Variants in SGIP1 observed in about 807,000 individuals in gnomAD.
SGIP1 encodes the protein SH3GL interacting endocytic adaptor 1.
SGIP1 carries 38 observed loss-of-function variants against 107.5 expected under a neutral mutation model. The ratio of observed to expected loss-of-function variants is 0.35; its 90% CI spans 0.27 to 0.46. The LOEUF (loss-of-function observed/expected upper bound fraction) is 0.46. Ranked by LOEUF, SGIP1 falls within the 20% of genes least tolerant of loss-of-function variation. The probability of loss-of-function intolerance (pLI) is 1.00; values close to 1 mark genes in which losing one functional copy is unlikely to be tolerated. For missense variants in SGIP1, 929 were observed against 1,019.5 expected (o/e 0.91, Z 1.21); for synonymous variants, 365 against 366.1 (o/e 1.00, Z 0.03).
chr1:66,599,963 T>C (rs2065453734), intron 1 of SGIP1, among the ~76,000 whole-genome samples: 1 of 152,198 alleles, frequency 6.6e-6, no homozygotes, highest in Non-Finnish European at 1.5e-5. Flanking sequence ...ATACCATCTT[T>C]GTAACCCAGA....
intron 18 of SGIP1, among the ~76,000 whole-genome samples, chr1:66,712,900 C>T (rs1349829676): frequency 2.0e-5 from 3 of 152,136 alleles, no homozygotes; most frequent in Admixed American, 2.0e-4. Flanking sequence ...TCCTCAGAAC[C>T]CCCTCAAAGT....
rs981153897 is a variant in SGIP1 at position 66,742,983 on chromosome 1, G to A, written c.2465-90G>A. The A allele has an allele frequency of 1.1e-4, 141 of 1,315,966 alleles. 2 individuals carry two copies. In the South Asian group the frequency reaches 1.7e-3, roughly 16 times the overall value. 81.5% of individuals were successfully genotyped at this position (1,315,966 alleles called of 1,614,324 possible). A position where few individuals can be genotyped will look rare whatever the true frequency, so the allele number is the denominator to read the frequency against. ...AGTATGCAGTATCTGGCTCCTAGGG[G>A]TAGGGAAGGAGGAATAGAAAAGTTA... On this transcript the variant is annotated intron_variant, in intron 24 of 24. Coordinates refer to ENST00000371037, the MANE Select transcript of SGIP1 (RefSeq NM_032291.4).
At chr1:66,652,085 G>A (rs1045619642) in intron 7 of SGIP1, among the ~76,000 whole-genome samples, 8 of 152,120 alleles carry the variant, frequency 5.3e-5, no homozygotes, top group Non-Finnish European at 1.2e-4. Context: ...TAAATAGAAT[G>A]AACACAGGCT....
chr1:66,747,771 A>AGT lies in SGIP1; in HGVS notation c.*4685_*4686dup, dbSNP rs1191560629. 2.6e-5 allele frequency: 4 copies of AGT among 151,880 alleles called. No individual in the cohort carries two copies. The highest frequency in any genetic ancestry group is 4.8e-5 in the African/African-American group (2 of 41,408). The allele number at this position is 151,880 out of a possible 1,614,324, so 9.4% of individuals were successfully genotyped here. On this transcript the variant is annotated 3_prime_UTR_variant, in exon 25 of 25. Transcript: ENST00000371037. Reference sequence around the variant, plus strand: ...TATGCAGATACATACTAAACAGATGAGTGTGTGTGTATGTGTCTGTGTTTA... The same window carrying AGT: ...TATGCAGATACATACTAAACAGATGAGTGTGTGTGTGTATGTGTCTGTGTTTA...
intron 1 of SGIP1, among the ~76,000 whole-genome samples, chr1:66,573,618 T>G (rs1225253149): frequency 1.3e-5 from 2 of 152,120 alleles, no homozygotes; most frequent in Non-Finnish European, 2.9e-5. Context: ...GGAACCTGAA[T>G]GGAGCTGAAG....
intron 15 of SGIP1, among the ~76,000 whole-genome samples, chr1:66,684,891 T>C (rs916163820): frequency 2.6e-5 from 4 of 152,260 alleles, no homozygotes; most frequent in Admixed American, 6.5e-5. Flanking sequence ...TGATTCTTCA[T>C]AATTAAGCTG....
At chr1:66,544,827 T>A (rs12144047) in intron 1 of SGIP1, among the ~76,000 whole-genome samples, 1 of 152,010 alleles carries the variant, frequency 6.6e-6, no homozygotes, top group Non-Finnish European at 1.5e-5. Context: ...AACAATGGCC[T>A]GAAATGGTCT....
At chr1:66,585,435 A>C (rs2062453534) in intron 1 of SGIP1, among the ~76,000 whole-genome samples, 2 of 152,108 alleles carry the variant, frequency 1.3e-5, no homozygotes, top group South Asian at 4.1e-4. Flanking sequence ...TTCTGCATGG[A>C]ATAGGTCTAG....
Position 66,743,214 on chromosome 1 carries a change from G to T in SGIP1, c.*119G>T, listed in dbSNP as rs112712694. 8.0e-6 allele frequency: 8 copies of T among 1,002,758 alleles called. No homozygotes were observed. The African/African-American group carries it at 8.0e-5, about 10-fold the overall frequency. 62.1% of individuals were successfully genotyped at this position (1,002,758 alleles called of 1,614,324 possible). On this transcript the variant is annotated 3_prime_UTR_variant, in exon 25 of 25. Transcript: ENST00000371037. ...TATCTGCACTTGGGATATATCAGGT[G>T]GAAAGTCAATGACTTTCATCTGTGA...
chr1:66,621,850 T>A (rs1466189718), intron 1 of SGIP1, among the ~76,000 whole-genome samples: 1 of 152,226 alleles, frequency 6.6e-6, no homozygotes, highest in East Asian at 1.9e-4. Flanking sequence ...ATTTATCTGT[T>A]GATGGAGAGC....
At chr1:66,597,263 A>C (rs778402533) in intron 1 of SGIP1, among the ~76,000 whole-genome samples, 4 of 152,178 alleles carry the variant, frequency 2.6e-5, no homozygotes, top group Non-Finnish European at 4.4e-5. Flanking sequence ...CTTTGTGTTC[A>C]TGAGTTCTCT....
chr1:66,549,954 C>G (rs906231094), intron 1 of SGIP1, among the ~76,000 whole-genome samples: 1 of 152,096 alleles, frequency 6.6e-6, no homozygotes, highest in Non-Finnish European at 1.5e-5. Flanking sequence ...CTCTGTTGTT[C>G]CAGAAGGAAG....
chr1:66,629,628 G>A (rs1452419198), intron 2 of SGIP1, among the ~76,000 whole-genome samples: 1 of 151,876 alleles, frequency 6.6e-6, no homozygotes, highest in Non-Finnish European at 1.5e-5. Context: ...AAATATAGAT[G>A]CCAAAAGTCC....
At chr1:66,585,790 A>G (rs2062523150) in intron 1 of SGIP1, among the ~76,000 whole-genome samples, 1 of 152,024 alleles carries the variant, frequency 6.6e-6, no homozygotes, top group Admixed American at 6.6e-5. Context: ...GTGCCAGGCC[A>G]AGAGCTTTGG....
intron 1 of SGIP1, among the ~76,000 whole-genome samples, chr1:66,537,286 G>T (rs980273301): frequency 2.0e-5 from 3 of 152,120 alleles, no homozygotes; most frequent in African/African-American, 7.2e-5. Flanking sequence ...ATGATCTGGA[G>T]CCTTCTGTAG....
At chr1:66,676,134 T>A (rs941905151) in intron 12 of SGIP1, among the ~76,000 whole-genome samples, 8 of 152,166 alleles carry the variant, frequency 5.3e-5, no homozygotes, top group Non-Finnish European at 1.2e-4. Flanking sequence ...CTCTCTAAGG[T>A]TGCTTTTATT....
rs925259849 is a variant in SGIP1, at chr1:66,639,851, G to C, written c.228+18G>C. On this transcript the variant is annotated intron_variant, in intron 5 of 24. Coordinates refer to ENST00000371037, the MANE Select transcript of SGIP1 (RefSeq NM_032291.4). The stretch of plus-strand genomic sequence containing the variant: ...AAAGATATGTGAGTATCAGAAGAGT[G>C]TTTCTCTTTATTAAGTATTTTACAG... 17 of 1,599,390 alleles carry C rather than the reference G, an allele frequency of 1.1e-5. No individual in the cohort carries two copies. The African/African-American group carries it at 2.0e-4, about 19-fold the overall frequency.
Position 66,640,458 on chromosome 1 carries a change from C to T in SGIP1, c.228+625C>T, listed in dbSNP as rs764128366. Among the ~76,000 whole-genome samples, 6 of 152,044 alleles carry T rather than the reference C, an allele frequency of 3.9e-5. No homozygotes were observed. In the East Asian group the frequency reaches 7.7e-4, roughly 20 times the overall value. ...CTTCAGGGAGGATGTGACCTCTGGG[C>T]AAAGGCCTAACATATACATAGAGGC... On this transcript the variant is annotated intron_variant, in intron 5 of 24. Coordinates refer to ENST00000371037, the MANE Select transcript of SGIP1 (RefSeq NM_032291.4).
At chr1:66,568,725 A>G (rs1034866318) in intron 1 of SGIP1, among the ~76,000 whole-genome samples, 9 of 152,176 alleles carry the variant, frequency 5.9e-5, no homozygotes, top group Middle Eastern at 6.8e-3. Flanking sequence ...ACGCAAATCA[A>G]TAAATGTAAT....
Sources: allele counts gnomAD v4.1 joint callset (sites outside exome capture counted in the v4.1 genomes callset), GRCh38; gene constraint gnomAD v4.1.1; transcripts MANE v1.5; gene names NCBI Gene and HGNC (gene_info 2026-07-23, HGNC 2026-07-21).